The following HMGCLL1 variants were observed in gnomAD, a reference collection of about 807,000 sequenced individuals.
HMGCLL1 encodes 3-hydroxy-3-methylglutaryl-CoA lyase like 1, also known as 3-hydroxymethyl-3-methylglutaryl-CoA lyase, cytoplasmic.
A neutral mutation model predicts 39.1 loss-of-function variants in HMGCLL1; 36 were observed. That is an observed-to-expected ratio of 0.92 (90% CI 0.71 to 1.22). The LOEUF is 1.22. HMGCLL1 is among the 50% of genes most tolerant of loss of function. The probability of loss-of-function intolerance (pLI) is 0.00; values close to 1 mark genes in which losing one functional copy is unlikely to be tolerated. For missense variants in HMGCLL1, 451 were observed against 416.5 expected, an observed-to-expected ratio of 1.08 and a Z score of -0.72; for synonymous variants, 149 against 144.0, an observed-to-expected ratio of 1.03 and a Z score of -0.25.
the HMGCLL1 span, among the ~76,000 whole-genome samples, chr6:55,675,686 C>G: frequency 6.6e-6 from 1 of 152,058 alleles, no homozygotes; most frequent in African/African-American, 2.4e-5. Flanking sequence ...TTCTGTCATG[C>G]GCTACTCTTT....
the HMGCLL1 span, among the ~76,000 whole-genome samples, chr6:55,601,230 G>A: frequency 6.6e-6 from 1 of 152,088 alleles, no homozygotes; most frequent in South Asian, 2.1e-4. Context: ...AGGCAGGCTT[G>A]GCTAGTCTTG....
At chr6:55,641,870 T>TTTTTA in the HMGCLL1 span, among the ~76,000 whole-genome samples, 4 of 129,640 alleles carry the variant, frequency 3.1e-5, no homozygotes, top group African/African-American at 1.1e-4. Context: ...TTTTTAATTT[T>TTTTTA]TTTTTATTTT....
the HMGCLL1 span, among the ~76,000 whole-genome samples, chr6:55,651,171 G>A: frequency 3.7e-4 from 56 of 152,256 alleles, no homozygotes; most frequent in Non-Finnish European, 1.5e-5. Flanking sequence ...GCCAGCATGT[G>A]TAAGAGCCTA....
At chr6:55,550,354 C>A (rs1447442693) in intron 1 of HMGCLL1, among the ~76,000 whole-genome samples, 1 of 151,982 alleles carries the variant, frequency 6.6e-6, no homozygotes, top group East Asian at 1.9e-4. Flanking sequence ...TCAGCTACAG[C>A]GCCACTTTAT....
chr6:55,541,466 C>A (rs577019757), intron 3 of HMGCLL1, among the ~76,000 whole-genome samples: 1 of 152,182 alleles, frequency 6.6e-6, no homozygotes, highest in South Asian at 2.1e-4. Context: ...AAAGAAAGGG[C>A]AGACCCCCTA....
At chr6:55,522,322 A>G (rs1424519839) in intron 3 of HMGCLL1, among the ~76,000 whole-genome samples, 1 of 152,018 alleles carries the variant, frequency 6.6e-6, no homozygotes, top group Non-Finnish European at 1.5e-5. Context: ...TTCAAAGTAT[A>G]CAATTCTTTC....
chr6:55,573,980 C>T (rs181540257), intron 1 of HMGCLL1, among the ~76,000 whole-genome samples: 31 of 152,114 alleles, frequency 2.0e-4, no homozygotes, highest in Admixed American at 2.0e-3. Flanking sequence ...AGACAAATCG[C>T]TGATTTTATT....
intron 7 of HMGCLL1, among the ~76,000 whole-genome samples, chr6:55,459,351 G>C (rs1240924458): frequency 1.3e-5 from 2 of 151,994 alleles, no homozygotes. Flanking sequence ...AGTTTAAGGG[G>C]GAAGAAAATT....
chr6:55,491,119 T>A (rs577786161), intron 7 of HMGCLL1, among the ~76,000 whole-genome samples: 5 of 152,312 alleles, frequency 3.3e-5, no homozygotes, highest in Admixed American at 3.3e-4. Context: ...CATCATTACA[T>A]CATCCATTCT....
intron 1 of HMGCLL1, among the ~76,000 whole-genome samples, chr6:55,571,538 G>A (rs970304550): frequency 3.9e-5 from 6 of 152,154 alleles, no homozygotes; most frequent in African/African-American, 1.4e-4. Flanking sequence ...GGGCAAGGTG[G>A]CTCACGCCTG....
At chr6:55,649,466 A>G in the HMGCLL1 span, among the ~76,000 whole-genome samples, 44 of 147,440 alleles carry the variant, frequency 3.0e-4, no homozygotes, top group Non-Finnish European at 1.6e-4. Context: ...GCTCCTTTAT[A>G]TATTATTTCT....
At chr6:55,441,311 G>C (rs984609793) in intron 7 of HMGCLL1, among the ~76,000 whole-genome samples, 1 of 152,088 alleles carries the variant, frequency 6.6e-6, no homozygotes, top group Non-Finnish European at 1.5e-5. Flanking sequence ...TCGGGCATTT[G>C]GATATTGACT....
intron 1 of HMGCLL1, among the ~76,000 whole-genome samples, chr6:55,568,992 GA>G (rs1417620278): frequency 6.6e-6 from 1 of 151,810 alleles, no homozygotes; most frequent in African/African-American, 2.4e-5. Flanking sequence ...CAGAGCTAAT[GA>G]AAAAAACAAG....
chr6:55,586,480 G>A, the HMGCLL1 span, among the ~76,000 whole-genome samples: 735 of 151,594 alleles, frequency 4.8e-3, 7 homozygotes, highest in African/African-American at 0.017. Flanking sequence ...GTGCCATGTC[G>A]GTGTGCTGCA....
chr6:55,517,671 AT>A (rs1301281470), intron 3 of HMGCLL1, among the ~76,000 whole-genome samples: 3 of 152,068 alleles, frequency 2.0e-5, no homozygotes, highest in Admixed American at 6.6e-5. Context: ...CATTTGAAAA[AT>A]ATTATAATAT....
chr6:55,447,594 A>T (rs1463598340), intron 7 of HMGCLL1, among the ~76,000 whole-genome samples: 1 of 152,130 alleles, frequency 6.6e-6, no homozygotes, highest in Non-Finnish European at 1.5e-5. Context: ...GTAAGGAAAA[A>T]AAAAGCAAGA....
intron 7 of HMGCLL1, among the ~76,000 whole-genome samples, chr6:55,448,822 A>C (rs1763965756): frequency 6.6e-6 from 1 of 152,138 alleles, no homozygotes; most frequent in Non-Finnish European, 1.5e-5. Flanking sequence ...GGGATGCTGC[A>C]TTATTTACAA....
chr6:55,537,710 G>A (rs1231462941), intron 3 of HMGCLL1, among the ~76,000 whole-genome samples: 1 of 152,144 alleles, frequency 6.6e-6, no homozygotes, highest in Admixed American at 6.6e-5. Context: ...CCAAGGTTCA[G>A]AGAGGTTAAG....
At chr6:55,599,594 G>A in the HMGCLL1 span, among the ~76,000 whole-genome samples, 43 of 152,078 alleles carry the variant, frequency 2.8e-4, no homozygotes, top group Admixed American at 5.9e-4. Flanking sequence ...GAAATCTACC[G>A]CAATTAAAGA....
Sources: allele counts gnomAD v4.1 joint callset (sites outside exome capture counted in the v4.1 genomes callset), GRCh38; gene constraint gnomAD v4.1.1; transcripts MANE v1.5; gene names NCBI Gene and HGNC (gene_info 2026-07-23, HGNC 2026-07-21).